Variants in RASAL3 observed in about 807,000 individuals in gnomAD.
The protein encoded by RASAL3 is RAS protein activator like-3.
Under a neutral mutation model 105.5 loss-of-function variants are expected in RASAL3, and 74 were observed. The observed-to-expected ratio is 0.70, with a 90% CI of 0.58 to 0.85. The LOEUF (loss-of-function observed/expected upper bound fraction) is 0.85, where lower values mean the gene tolerates loss of function less well. Ranked by LOEUF, RASAL3 falls within the 40% of genes least tolerant of loss-of-function variation. The probability of loss-of-function intolerance (pLI) is 0.00; values close to 1 mark genes in which losing one functional copy is unlikely to be tolerated. For synonymous variants in RASAL3, 579 were observed against 591.6 expected, an observed-to-expected ratio of 0.98 and a Z score of 0.31; for missense variants, 1,352 against 1,392.0, an observed-to-expected ratio of 0.97 and a Z score of 0.46.
chr19:15,458,332 G>C lies in RASAL3; in HGVS notation c.884C>G (p.Thr295Ser), dbSNP rs1359608042. ...CGCTTTTCTGAGGGCAATGACCTGG[G>C]TGGGCTGGAATTGGCGACGAAGGTC... is the stretch of plus-strand genomic sequence containing the variant. ...IEDLRRQFQPTQDNVEREETW... is the reference protein window; with the variant it reads ...IEDLRRQFQPSQDNVEREETW... The change falls in exon 8 of 18, where the codon ACC becomes AGC. Residue 295 changes from threonine to serine, a missense_variant. Coordinates refer to ENST00000343625, the MANE Select transcript of RASAL3 (RefSeq NM_022904.3). 6.2e-7 allele frequency: 1 copy of C among 1,613,320 alleles called. No homozygotes were observed. Among genetic ancestry groups the C allele is most frequent in the South Asian group, 1.1e-5 (1 of 90,958 alleles).
rs1211519991 is a variant in RASAL3 at position 15,453,246 on chromosome 19, A to C, written c.2531T>G (p.Met844Arg). ...PWPRPKGSLS[M>R]GPAPRARPWT... ...AGGCCGGGCGCGGGGCGCTGGTCCC[A>C]TGCTCAGGGAGCCTTTGGGTCGCGG... Residue 844 changes from methionine (M) to arginine (R), a missense_variant, in exon 15 of 18, where the codon ATG becomes AGG. Met to Arg is a moderately conservative substitution (Grantham distance 91). Transcript: ENST00000343625. This position sits in a 1 kb window ranked among gnomAD's most constrained non-coding sequence, Gnocchi z 4.2. 1 of 1,587,880 alleles carries C rather than the reference A, an allele frequency of 6.3e-7. No homozygotes were observed.
rs1970324711 is a variant in RASAL3 at position 15,456,532 on chromosome 19, C to T, written c.1546G>A (p.Val516Met). The change falls in exon 10 of 18, where the codon GTG becomes ATG. Residue 516 changes from valine to methionine, a missense_variant. By Grantham distance (21) the Val-to-Met change is conservative. This residue lies in a region of RASAL3 where 920 missense variants were observed against 919.6 expected (regional missense o/e 1.00). Coordinates refer to ENST00000343625, the MANE Select transcript of RASAL3 (RefSeq NM_022904.3). This position sits in a 1 kb window ranked among gnomAD's most constrained non-coding sequence, Gnocchi z 4.4. ...GTCTCCTGGAGGTAATCCTGTGCCA[C>T]GAGCTTCATGTACTCATCGATAGCC... ...TKAIDEYMKL[V>M]AQDYLQETLG... is the part of the protein sequence containing the mutation. 7.4e-6 allele frequency: 12 copies of T among 1,613,758 alleles called. No homozygotes were observed. The highest frequency in any genetic ancestry group is 1.7e-5 in the Admixed American group (1 of 59,968).
At chr19:15,458,092 C>T in intron 8 of RASAL3, 1 of 628,578 alleles carries the variant, frequency 1.6e-6, no homozygotes, top group East Asian at 2.7e-5. Context: ...TCGCGATTGC[C>T]TGGCAGGCAG....
chr19:15,454,439 G>A lies in RASAL3; in HGVS notation c.2082C>T (p.Tyr694=). ...MVDVDAAPSG[Y]QGSGDLALQL... ...GGAGGGCCAGATCACCACTGCCCTG[G>A]TAACCACTGGGGGCAGCATCCACAT... Residue 694 remains tyrosine, a synonymous_variant, in exon 13 of 18, where the codon TAC becomes TAT. Coordinates refer to ENST00000343625, the MANE Select transcript of RASAL3 (RefSeq NM_022904.3). 1 of 1,614,002 alleles carries A rather than the reference G, an allele frequency of 6.2e-7. No homozygotes were observed. Among genetic ancestry groups the A allele is most frequent in the Non-Finnish European group, 8.5e-7 (1 of 1,179,884 alleles).
chr19:15,452,380 A>G (rs932093687), intron 16 of RASAL3: 1 of 587,652 alleles, frequency 1.7e-6, no homozygotes, highest in Non-Finnish European at 3.0e-6. Context: ...CCAGGCTGAG[A>G]TATCTCAGTG....
intron 2 of RASAL3, 30 bp from the exon 3 acceptor site, chr19:15,461,637 T>C: frequency 6.7e-7 from 1 of 1,485,372 alleles, no homozygotes; most frequent in Non-Finnish European, 8.9e-7. Context: ...CTGGGGGACT[T>C]AAGAGACGTT....
At chr19:15,460,406 G>T in intron 5 of RASAL3, 148 bp from the exon 6 acceptor site, 1 of 750,436 alleles carries the variant, frequency 1.3e-6, no homozygotes, top group Non-Finnish European at 2.2e-6. Flanking sequence ...GCAATCAGCA[G>T]CTCCTAATTC....
chr19:15,461,667 CT>C, intron 2 of RASAL3, 60 bp from the exon 3 acceptor site: 1 of 1,441,324 alleles, frequency 6.9e-7, no homozygotes, highest in Non-Finnish European at 9.1e-7. Flanking sequence ...TCAGGCTACC[CT>C]TTCCATTCCC....
Position 15,457,347 on chromosome 19 carries a change from T to C in RASAL3, c.1376A>G (p.Lys459Arg). 7.1e-7 allele frequency: 1 copy of C among 1,402,810 alleles called. No homozygotes were observed. The highest frequency in any genetic ancestry group is 9.2e-7 in the Non-Finnish European group (1 of 1,086,722). 86.9% of individuals were successfully genotyped at this position (1,402,810 alleles called of 1,614,324 possible). A position where few individuals can be genotyped will look rare whatever the true frequency, so the allele number is the denominator to read the frequency against. ...ALEPALPAQAKEELAAAMVRV... is the reference protein window; with the variant it reads ...ALEPALPAQAREELAAAMVRV... The stretch of plus-strand genomic sequence containing the variant: ...CACCATGGCTGCCGCCAGCTCCTCC[T>C]TGGCCTGCGCAGGCAGCGCGGGCTC... The change falls in exon 9 of 18, where the codon AAG (lysine) becomes AGG (arginine). Residue 459 changes from lysine to arginine, a missense_variant. By Grantham distance (26) the Lys-to-Arg change is conservative (BLOSUM62 2). Transcript: ENST00000343625. The surrounding 1 kb of genome is among the most constrained non-coding windows in gnomAD (Gnocchi z 8.6).
Position 15,454,365 on chromosome 19 carries a change from T to A in RASAL3, c.2156A>T (p.Asp719Val), listed in dbSNP as rs1362972127. Reference protein sequence around the residue: ...AQLCTIFAELDQTTRDTLEPL... With the variant: ...AQLCTIFAELVQTTRDTLEPL... ...TACTCTGGGTTCAGGCCATACCTGG[T>A]CAAGCTCAGCAAAAATTGTACAGAG... Residue 719 changes from aspartate to valine, a missense_variant, in exon 13 of 18, where the codon GAC (aspartate) becomes GTC (valine). Transcript: ENST00000343625. The A allele has an allele frequency of 2.1e-5, 34 of 1,610,588 alleles. No homozygotes were observed. Among genetic ancestry groups the A allele is most frequent in the Non-Finnish European group, 2.5e-5 (30 of 1,178,276 alleles).
In RASAL3 at chr19:15,464,037, CCTCCTGCTCCGG is replaced by C; in HGVS notation, c.310_321del (p.Pro104_Glu107del). ...GGGTGGGGGAACCATGTACCTGGGG[CCTCCTGCTCCGG>C]CTCCGGGTCTGGCTCCGGCGGTGGG... On this transcript the variant is annotated inframe_deletion, in exon 2 of 18. Transcript: ENST00000343625. 2 of 1,554,932 alleles carry C rather than the reference CCTCCTGCTCCGG, an allele frequency of 1.3e-6. No individual in the cohort carries two copies. Among genetic ancestry groups the C allele is most frequent in the East Asian group, 4.5e-5 (2 of 44,198 alleles).
chr19:15,456,584 C>T lies in RASAL3; in HGVS notation c.1494G>A (p.Leu498=), dbSNP rs903235768. Residue 498 remains leucine (L), a synonymous_variant, in exon 10 of 18, where the codon CTG becomes CTA. Coordinates refer to ENST00000343625, the MANE Select transcript of RASAL3 (RefSeq NM_022904.3). This position sits in a 1 kb window ranked among gnomAD's most constrained non-coding sequence, Gnocchi z 4.4. ...TGGTGGCCAATGTGTTTTCCCGGAA[C>T]AGCAGCGCCTCACGGCCTCCACAGC... The part of the protein sequence containing the change: ...LARCGGREAL[L]FRENTLATKA... 6 of 1,613,638 alleles carry T rather than the reference C, an allele frequency of 3.7e-6. No individual in the cohort carries two copies. The African/African-American group carries it at 4.0e-5, about 11-fold the overall frequency.
At chr19:15,458,207 C>G in intron 8 of RASAL3, 121 bp downstream of exon 8, 3 of 851,288 alleles carry the variant, frequency 3.5e-6, no homozygotes, top group Non-Finnish European at 3.7e-6. Context: ...TGCAACGATG[C>G]AGGCGGGGCA....
rs1311425986 is a variant in RASAL3, at chr19:15,457,854, G to T, written c.889-20C>A. On this transcript the variant is annotated intron_variant, in intron 8 of 17. Coordinates refer to ENST00000343625, the MANE Select transcript of RASAL3 (RefSeq NM_022904.3). This position sits in a 1 kb window ranked among gnomAD's most constrained non-coding sequence, Gnocchi z 8.6. ...GTTGTCCTGCAGATGGGAGTGGGATGGGGGGAAGCGTTTTGGTTTGTTGGC... is the reference window on the plus strand; with the variant it reads ...GTTGTCCTGCAGATGGGAGTGGGATTGGGGGAAGCGTTTTGGTTTGTTGGC... 6 of 1,546,376 alleles carry T rather than the reference G, an allele frequency of 3.9e-6. No homozygotes were observed. The Admixed American group carries it at 1.2e-4, about 31-fold the overall frequency.
chr19:15,455,851 A>G (rs964160859), intron 11 of RASAL3, among the ~76,000 whole-genome samples: 1 of 152,058 alleles, frequency 6.6e-6, no homozygotes, highest in Non-Finnish European at 1.5e-5. Context: ...GAGTCTTGCT[A>G]TGTTGCCCAG....
intron 5 of RASAL3, 62 bp from the exon 6 acceptor site, chr19:15,460,320 C>T: frequency 6.7e-7 from 1 of 1,484,144 alleles, no homozygotes; most frequent in Non-Finnish European, 9.2e-7. Context: ...TCCTTCCCTC[C>T]CAAGACATCC....
intron 8 of RASAL3, 185 bp downstream of exon 8, chr19:15,458,143 C>T: frequency 1.5e-6 from 1 of 652,456 alleles, no homozygotes; most frequent in Non-Finnish European, 2.7e-6. Context: ...ACAGAAGGGG[C>T]GGGTCTGATA....
Position 15,454,890 on chromosome 19 carries a change from C to A in RASAL3, c.1725G>T (p.Trp575Cys). The A allele has an allele frequency of 6.4e-7, 1 of 1,551,158 alleles. No homozygotes were observed. Among genetic ancestry groups the A allele is most frequent in the Non-Finnish European group, 8.7e-7 (1 of 1,148,972 alleles). ...ACACGATGCCCAGCTCCGCAGGGAACCAGCTGGTGCAGAAGAGGCAATGAA... is the reference window on the plus strand; with the variant it reads ...ACACGATGCCCAGCTCCGCAGGGAAACAGCTGGTGCAGAAGAGGCAATGAA... ...VFETIIHSYDWFPAELGIVFS... is the reference protein window; with the variant it reads ...VFETIIHSYDCFPAELGIVFS... Residue 575 changes from tryptophan (W) to cysteine (C), a missense_variant, in exon 12 of 18, where the codon TGG (tryptophan) becomes TGT (cysteine). By Grantham distance (215) the Trp-to-Cys change is radical. Transcript: ENST00000343625.
chr19:15,456,082 C>A lies in RASAL3; in HGVS notation c.1721+22G>T. On this transcript the variant is annotated intron_variant, in intron 11 of 17. Coordinates refer to ENST00000343625, the MANE Select transcript of RASAL3 (RefSeq NM_022904.3). This position sits in a 1 kb window ranked among gnomAD's most constrained non-coding sequence, Gnocchi z 4.4. ...GCATGGTAAGCAGGGGTGGGCTAAGCTGCTGGGGCCCTGATTCTCACTCGT... is the reference window on the plus strand; with the variant it reads ...GCATGGTAAGCAGGGGTGGGCTAAGATGCTGGGGCCCTGATTCTCACTCGT... 6.2e-7 allele frequency: 1 copy of A among 1,609,480 alleles called. No homozygotes were observed. Among genetic ancestry groups the A allele is most frequent in the South Asian group, 1.1e-5 (1 of 90,874 alleles).
Sources: gnomAD v4.1 joint callset for allele counts (sites outside exome capture counted in the v4.1 genomes callset) on GRCh38, gnomAD v4.1.1 for gene constraint, gnomAD v4.1.1 regional missense constraint, Gnocchi (gnomAD v3.1) non-coding constraint, MANE v1.5 for transcripts, NCBI Gene and HGNC (gene_info 2026-07-23, HGNC 2026-07-21) for gene names.